ZNF765: variants seen among roughly 807,000 people sequenced by gnomAD.
ZNF765 encodes the protein zinc finger protein 765.
A neutral mutation model predicts 44.7 loss-of-function variants in ZNF765; 37 were observed. That is an observed-to-expected ratio of 0.83 (90% CI 0.64 to 1.09). The LOEUF is 1.09. ZNF765 is among the 50% of genes least tolerant of loss of function. ZNF765 has a pLI of 0.00. For synonymous variants in ZNF765, 201 were observed against 213.7 expected, an observed-to-expected ratio of 0.94 and a Z score of 0.52; for missense variants, 594 against 626.1, an observed-to-expected ratio of 0.95 and a Z score of 0.55.
At chr19:53,395,598 G>T (rs149206750) in intron 1 of ZNF765, among the ~76,000 whole-genome samples, 39 of 152,354 alleles carry the variant, frequency 2.6e-4, no homozygotes, top group Middle Eastern at 3.4e-3. Context: ...CCTCTGTCTG[G>T]TCCTGGGATC....
chr19:53,421,755 C>G (rs1047869669), intron 3 of ZNF765, among the ~76,000 whole-genome samples: 3 of 152,118 alleles, frequency 2.0e-5, no homozygotes, highest in Non-Finnish European at 4.4e-5. Flanking sequence ...CTCAGGTGAT[C>G]CGCCCACCTT....
At chr19:53,421,535 A>G (rs2085907567) in intron 3 of ZNF765, among the ~76,000 whole-genome samples, 2 of 151,944 alleles carry the variant, frequency 1.3e-5, no homozygotes, top group Admixed American at 6.6e-5. Context: ...TTTTTTTGAG[A>G]CGGAGTTTCA....
At chr19:53,400,896 G>C (rs187254707) in intron 2 of ZNF765, among the ~76,000 whole-genome samples, 1 of 151,642 alleles carries the variant, frequency 6.6e-6, no homozygotes, top group South Asian at 2.1e-4. Context: ...ACAGTGGCAC[G>C]ATCTTAGCTC....
intron 3 of ZNF765, among the ~76,000 whole-genome samples, chr19:53,405,121 A>G (rs548044283): frequency 3.9e-4 from 60 of 152,164 alleles, no homozygotes; most frequent in African/African-American, 1.4e-3. Flanking sequence ...GGAGGCCGAG[A>G]GGGGCAGATC....
Position 53,410,548 on chromosome 19 carries a change from C to A in ZNF765, c.*1421C>A. The A allele has an allele frequency of 2.4e-6, 1 of 421,058 alleles. No individual in the cohort carries two copies. The highest frequency in any genetic ancestry group is 4.8e-6 in the Non-Finnish European group (1 of 209,686). 26.1% of individuals were successfully genotyped at this position (421,058 alleles called of 1,614,324 possible). On this transcript the variant is annotated 3_prime_UTR_variant, in exon 4 of 4. Coordinates refer to ENST00000396408, the MANE Select transcript of ZNF765 (RefSeq NM_001040185.3). ...ACAGGTCTTTAGTGGGCAGTCAACA[C>A]TTGTTTACCATCAGGCAATCCATGG...
intron 3 of ZNF765, among the ~76,000 whole-genome samples, chr19:53,403,437 CCTT>C (rs1241244484): frequency 2.0e-5 from 3 of 151,032 alleles, no homozygotes; most frequent in Non-Finnish European, 4.4e-5. Context: ...GCTTTGACTC[CCTT>C]CTTATTGACT....
In ZNF765 at chr19:53,409,734, A is replaced by C; in HGVS notation, c.*607A>C. 1.1e-6 allele frequency: 1 copy of C among 939,582 alleles called. No homozygotes were observed. The highest frequency in any genetic ancestry group is 1.7e-6 in the Non-Finnish European group (1 of 578,054). 58.2% of individuals were successfully genotyped at this position (939,582 alleles called of 1,614,324 possible). A position where few individuals can be genotyped will look rare whatever the true frequency, so the allele number is the denominator to read the frequency against. The stretch of plus-strand genomic sequence containing the variant: ...GAGTGTGGCAAGACCTTTAGTCAGA[A>C]CTCATACCTTACATGCCATCATAGA... On this transcript the variant is annotated 3_prime_UTR_variant, in exon 4 of 4. Coordinates refer to ENST00000396408, the MANE Select transcript of ZNF765 (RefSeq NM_001040185.3).
downstream of ZNF765, among the ~76,000 whole-genome samples, chr19:53,416,944 G>C (rs1242398807): frequency 1.3e-5 from 2 of 151,684 alleles, no homozygotes; most frequent in Non-Finnish European, 2.9e-5. Context: ...CAGCCTTCCA[G>C]GTAGCTGGGA....
chr19:53,398,658 C>T (rs1019740448), intron 2 of ZNF765, among the ~76,000 whole-genome samples: 7 of 152,136 alleles, frequency 4.6e-5, no homozygotes, highest in African/African-American at 7.2e-5. Flanking sequence ...TAGCACATTA[C>T]GCTCATGGAG....
chr19:53,410,615 T>C lies in ZNF765; in HGVS notation c.*1488T>C. The C allele has an allele frequency of 2.1e-6, 1 of 473,518 alleles. No individual in the cohort carries two copies. Among genetic ancestry groups the C allele is most frequent in the Non-Finnish European group, 4.3e-6 (1 of 234,754 alleles). 29.3% of individuals were successfully genotyped at this position (473,518 alleles called of 1,614,324 possible). A position where few individuals can be genotyped will look rare whatever the true frequency, so the allele number is the denominator to read the frequency against. On this transcript the variant is annotated 3_prime_UTR_variant, in exon 4 of 4. Transcript: ENST00000396408. ...TTATGTAATGATTGTCACAAAGTCT[T>C]CAGTTACACTACAACCATTGCGAAT...
In ZNF765 at chr19:53,410,490, T is replaced by A; in HGVS notation, c.*1363T>A. ...CTGGCACAACATCCTAGAATTCACATTGGAGAGAAAGCTTACAAGTATAAT... is the reference window on the plus strand; with the variant it reads ...CTGGCACAACATCCTAGAATTCACAATGGAGAGAAAGCTTACAAGTATAAT... On this transcript the variant is annotated 3_prime_UTR_variant, in exon 4 of 4. Coordinates refer to ENST00000396408, the MANE Select transcript of ZNF765 (RefSeq NM_001040185.3). 1 of 384,288 alleles carries A rather than the reference T, an allele frequency of 2.6e-6. No homozygotes were observed. Among genetic ancestry groups the A allele is most frequent in the Non-Finnish European group, 5.2e-6 (1 of 191,054 alleles). 23.8% of individuals were successfully genotyped at this position (384,288 alleles called of 1,614,324 possible).
chr19:53,408,644 C>G lies in ZNF765; in HGVS notation c.1089C>G (p.Thr363=). ...ACAAGTGTAATGAGTGTGGCAAGACCTTTAGTCGGAAGTCACATTTTACAT... is the reference window on the plus strand; with the variant it reads ...ACAAGTGTAATGAGTGTGGCAAGACGTTTAGTCGGAAGTCACATTTTACAT... ...KPYKCNECGK[T]FSRKSHFTCH... The change falls in exon 4 of 4, where the codon ACC becomes ACG. Residue 363 remains threonine (T), a synonymous_variant. Transcript: ENST00000396408. 6 of 1,613,734 alleles carry G rather than the reference C, an allele frequency of 3.7e-6. No homozygotes were observed. Among genetic ancestry groups the G allele is most frequent in the Non-Finnish European group, 3.4e-6 (4 of 1,179,894 alleles).
chr19:53,408,687 A>G lies in ZNF765; in HGVS notation c.1132A>G (p.Thr378Ala). Residue 378 changes from threonine (T) to alanine (A), a missense_variant, in exon 4 of 4, where the codon ACT becomes GCT. By Grantham distance (58) the Thr-to-Ala change is moderately conservative (BLOSUM62 0). Around this residue, in one of 2 missense-constraint regions of ZNF765, gnomAD observed 567 missense variants for 572.6 expected, o/e 0.99. Coordinates refer to ENST00000396408, the MANE Select transcript of ZNF765 (RefSeq NM_001040185.3). ...TTTTACATGCCATCATAGAGTTCAT[A>G]CTGGAGAGAAACCTTACAAGTGTAA... ...SHFTCHHRVH[T>A]GEKPYKCNEC... 1 of 1,540,128 alleles carries G rather than the reference A, an allele frequency of 6.5e-7. No individual in the cohort carries two copies. Among genetic ancestry groups the G allele is most frequent in the South Asian group, 1.2e-5 (1 of 83,548 alleles).
intron 1 of ZNF765, among the ~76,000 whole-genome samples, chr19:53,397,105 C>G (rs74180710): frequency 0.092 from 12,172 of 132,618 alleles, no homozygotes; most frequent in South Asian, 0.14. Flanking sequence ...TCTACTTTGT[C>G]TAAGTCTGGA....
exon 4 of ZNF765, chr19:53,424,203 A>G (rs2085924658): frequency 6.6e-6 from 1 of 151,782 alleles, no homozygotes; most frequent in South Asian, 2.1e-4. Context: ...TAATCCCAGC[A>G]CTTTGGAGGG....
rs72582439 is a variant in ZNF765, at chr19:53,402,248, CTTTTTTTTTTTTTTTTT to C, written c.142+67_142+83del. The C allele has an allele frequency of 1.3e-3, 1,636 of 1,260,642 alleles. 9 individuals carry two copies. Among genetic ancestry groups the C allele is most frequent in the Non-Finnish European group, 1.4e-3 (1,354 of 980,786 alleles). 78.1% of individuals were successfully genotyped at this position (1,260,642 alleles called of 1,614,324 possible). On this transcript the variant is annotated intron_variant, in intron 3 of 3. Transcript: ENST00000396408. ...CTTGCGTATCTTTGTATTTTCTCTC[CTTTTTTTTTTTTTTTTT>C]TTTTTTTTTGAGATGGAGTCTCGCT...
chr19:53,415,508 A>G (rs866570047), downstream of ZNF765, among the ~76,000 whole-genome samples: 5 of 152,346 alleles, frequency 3.3e-5, no homozygotes, highest in South Asian at 8.3e-4. Flanking sequence ...TTATGTGTAG[A>G]TATAAATGAC....
chr19:53,417,461 G>A (rs964716059), intron 3 of ZNF765, among the ~76,000 whole-genome samples: 9 of 152,086 alleles, frequency 5.9e-5, no homozygotes, highest in Admixed American at 5.2e-4. Context: ...ACATGATCTC[G>A]TTCTTTTTTA....
chr19:53,399,930 T>G (rs2085706972), intron 2 of ZNF765, among the ~76,000 whole-genome samples: 1 of 152,154 alleles, frequency 6.6e-6, no homozygotes, highest in Non-Finnish European at 1.5e-5. Context: ...TTCTCCTGCC[T>G]CAGCCTCCTG....
Sources: gnomAD v4.1 joint callset for allele counts (sites outside exome capture counted in the v4.1 genomes callset) on GRCh38, gnomAD v4.1.1 for gene constraint, gnomAD v4.1.1 regional missense constraint, MANE v1.5 for transcripts, NCBI Gene and HGNC (gene_info 2026-07-23, HGNC 2026-07-21) for gene names.